The following ZNF484 variants were observed in gnomAD, a reference collection of about 807,000 sequenced individuals.
ZNF484 encodes the protein zinc finger protein 484.
In ZNF484, 11 loss-of-function variants were observed where a neutral mutation model predicts 12.9. That is an observed-to-expected ratio of 0.85 (90% CI 0.54 to 1.41). The LOEUF (loss-of-function observed/expected upper bound fraction) is 1.41. Ranked by LOEUF, ZNF484 falls within the 40% of genes most tolerant of loss-of-function variation. The probability of loss-of-function intolerance (pLI) is 0.00; values close to 1 mark genes in which losing one functional copy is unlikely to be tolerated. For missense variants in ZNF484, 807 were observed against 1,007.7 expected (o/e 0.80, Z 2.70); for synonymous variants, 289 against 334.1 (o/e 0.86, Z 1.47).
intron 2 of ZNF484, among the ~76,000 whole-genome samples, chr9:92,861,809 A>G (rs1457093822): frequency 6.6e-6 from 1 of 152,206 alleles, no homozygotes; most frequent in Non-Finnish European, 1.5e-5. Context: ...AAATCTGGTA[A>G]AAGGCATAAA....
intron 2 of ZNF484, among the ~76,000 whole-genome samples, chr9:92,873,169 C>T (rs994870442): frequency 2.6e-5 from 4 of 152,248 alleles, no homozygotes; most frequent in South Asian, 4.2e-4. Context: ...GGCAGGCAGG[C>T]GGTCACTAGG....
At chr9:92,853,605 T>C (rs966969960) in intron 4 of ZNF484, among the ~76,000 whole-genome samples, 3 of 152,204 alleles carry the variant, frequency 2.0e-5, no homozygotes, top group Admixed American at 1.3e-4. Context: ...CTGAGACACA[T>C]GGACCTGGGC....
chr9:92,850,636 T>C lies in ZNF484; in HGVS notation c.236-2085A>G, dbSNP rs868412500. ...ATCACCCAGGCTGGAGTGGCTGGAG[T>C]GCAATGGCGCGATCTCGGCTCACTG... On this transcript the variant is annotated intron_variant, in intron 4 of 4. Transcript: ENST00000375495. Among the ~76,000 whole-genome samples the C allele has an allele frequency of 2.5e-4, 38 of 152,182 alleles. 1 individual carries two copies. The highest frequency in any genetic ancestry group is 6.8e-3 in the Middle Eastern group (2 of 294).
At chr9:92,852,599 C>T (rs887155159) in intron 4 of ZNF484, among the ~76,000 whole-genome samples, 5 of 137,514 alleles carry the variant, frequency 3.6e-5, no homozygotes, top group Non-Finnish European at 6.0e-5. Context: ...TACAGTGGCG[C>T]GGTCTCAGCT....
intron 2 of ZNF484, among the ~76,000 whole-genome samples, chr9:92,862,401 T>C (rs886087605): frequency 6.6e-6 from 1 of 151,812 alleles, no homozygotes; most frequent in African/African-American, 2.4e-5. Context: ...TGACCCCAAA[T>C]AGAGAGAAGA....
At chr9:92,876,852 A>T (rs117261136) in intron 1 of ZNF484, among the ~76,000 whole-genome samples, 4,928 of 152,306 alleles carry the variant, frequency 0.032, 122 homozygotes, top group South Asian at 0.084. Context: ...TAGGAAAGAT[A>T]AAGATTTGAA....
chr9:92,867,400 T>G (rs1271772417), intron 2 of ZNF484, among the ~76,000 whole-genome samples: 1 of 152,150 alleles, frequency 6.6e-6, no homozygotes, highest in Non-Finnish European at 1.5e-5. Flanking sequence ...AAGAATCCCT[T>G]GAACCCGGGA....
chr9:92,860,649 A>G (rs1260412067), intron 2 of ZNF484, among the ~76,000 whole-genome samples: 1 of 150,966 alleles, frequency 6.6e-6, no homozygotes, highest in Non-Finnish European at 1.5e-5. Context: ...AAAAAAAACC[A>G]GTATACTTGA....
At chr9:92,852,467 T>C (rs1856156051) in intron 4 of ZNF484, among the ~76,000 whole-genome samples, 1 of 151,522 alleles carries the variant, frequency 6.6e-6, no homozygotes, top group South Asian at 2.1e-4. Flanking sequence ...CTAATTGACC[T>C]TGTGATCCAC....
chr9:92,854,967 A>G (rs1856348881), intron 4 of ZNF484, among the ~76,000 whole-genome samples: 1 of 152,228 alleles, frequency 6.6e-6, no homozygotes, highest in Non-Finnish European at 1.5e-5. Context: ...CAGATTTTAT[A>G]AATATCCCAG....
At chr9:92,855,011 A>G (rs2117916514) in intron 4 of ZNF484, among the ~76,000 whole-genome samples, 1 of 152,326 alleles carries the variant, frequency 6.6e-6, no homozygotes, top group African/African-American at 2.4e-5. Context: ...CATGTCAAAT[A>G]TATTAGAACA....
At chr9:92,855,497 T>C (rs1856379880) in intron 4 of ZNF484, among the ~76,000 whole-genome samples, 1 of 152,150 alleles carries the variant, frequency 6.6e-6, no homozygotes, top group Non-Finnish European at 1.5e-5. Context: ...ATAAAACTTT[T>C]CTAGGGAAAG....
At position 92,855,861 on chromosome 9, in the gene ZNF484, T is replaced by A; in HGVS notation, c.185A>T (p.Gln62Leu). 1.2e-6 allele frequency: 2 copies of A among 1,614,184 alleles called. No homozygotes were observed. Among genetic ancestry groups the A allele is most frequent in the Non-Finnish European group, 1.7e-6 (2 of 1,180,010 alleles). ...PKPEVIFSLE[Q>L]EEPCMLDGEI... Reference sequence around the variant, plus strand: ...ACCATCCAACATACATGGCTCTTCTTGTTCCAAGCTGAAGATGACTTCTGG... The same window carrying A: ...ACCATCCAACATACATGGCTCTTCTAGTTCCAAGCTGAAGATGACTTCTGG... Residue 62 changes from glutamine to leucine, a missense_variant, in exon 4 of 5, where the codon CAA (glutamine) becomes CTA (leucine). By Grantham distance (113) the Gln-to-Leu change is moderately radical. Transcript: ENST00000375495.
Position 92,848,299 on chromosome 9 carries a change from T to G in ZNF484, c.488A>C (p.His163Pro). ...FEYKDIGEIV[H>P]VNTHLVSSRK... ...TGAGGAAACCAGGTGTGTGTTTACA[T>G]GAACTATTTCCCCAATGTCCTTATA... is the stretch of plus-strand genomic sequence containing the variant. The change falls in exon 5 of 5, where the codon CAT becomes CCT. Residue 163 changes from histidine (H) to proline (P), a missense_variant. By Grantham distance (77) the His-to-Pro change is moderately conservative. Transcript: ENST00000375495. The surrounding 1 kb of genome is among the most constrained non-coding windows in gnomAD (Gnocchi z 4.1). The G allele has an allele frequency of 6.2e-7, 1 of 1,614,180 alleles. No individual in the cohort carries two copies. The highest frequency in any genetic ancestry group is 1.3e-5 in the African/African-American group (1 of 75,062).
In ZNF484 at chr9:92,847,046, C is replaced by A; in HGVS notation, c.1741G>T (p.Val581Phe). ...AAGGCCTTACCACATTCAGTGCAAACATATGGTTTTTCCCCTCTATGAATT... is the reference window on the plus strand; with the variant it reads ...AAGGCCTTACCACATTCAGTGCAAAAATATGGTTTTTCCCCTCTATGAATT... ...QRIHRGEKPY[V>F]CTECGKAFFH... Residue 581 changes from valine (V) to phenylalanine (F), a missense_variant, in exon 5 of 5, where the codon GTT becomes TTT. By Grantham distance (50) the Val-to-Phe change is conservative (BLOSUM62 -1). Coordinates refer to ENST00000375495, the MANE Select transcript of ZNF484 (RefSeq NM_031486.4). 1.9e-6 allele frequency: 3 copies of A among 1,613,800 alleles called. No individual in the cohort carries two copies. The highest frequency in any genetic ancestry group is 2.5e-6 in the Non-Finnish European group (3 of 1,179,944).
chr9:92,853,241 A>C (rs1244762816), intron 4 of ZNF484, among the ~76,000 whole-genome samples: 2 of 152,242 alleles, frequency 1.3e-5, no homozygotes. Context: ...CTGGGAGGTA[A>C]GAAAGAGGCT....
At position 92,847,944 on chromosome 9, in the gene ZNF484, G is replaced by A; in HGVS notation, c.843C>T (p.Cys281=). ...SICAEEKQHE[C]HECEAVFTQK... is the part of the protein sequence containing the mutation. ...GAGTGAAGACTGCCTCACATTCATG[G>A]CATTCATGCTGCTTTTCTTCAGCAC... The change falls in exon 5 of 5, where the codon TGC becomes TGT. Residue 281 remains cysteine, a synonymous_variant. Coordinates refer to ENST00000375495, the MANE Select transcript of ZNF484 (RefSeq NM_031486.4). 6.2e-7 allele frequency: 1 copy of A among 1,614,144 alleles called. No homozygotes were observed. The highest frequency in any genetic ancestry group is 1.3e-5 in the African/African-American group (1 of 75,030).
At chr9:92,877,677 C>T in intron 1 of ZNF484, 2 of 1,124,004 alleles carry the variant, frequency 1.8e-6, no homozygotes, top group Non-Finnish European at 2.5e-6. Flanking sequence ...CACCACCAGA[C>T]AGAGACCCCC....
Position 92,848,819 on chromosome 9 carries a change from AATGGCTTG to A in ZNF484, c.236-276_236-269del, listed in dbSNP as rs139583757. Among the ~76,000 whole-genome samples, 497 of 152,088 alleles carry A rather than the reference AATGGCTTG, an allele frequency of 3.3e-3. 1 individual carries two copies. Among genetic ancestry groups the A allele is most frequent in the African/African-American group, 0.011 (465 of 41,466 alleles). On this transcript the variant is annotated intron_variant, in intron 4 of 4. Transcript: ENST00000375495. The surrounding 1 kb of genome is among the most constrained non-coding windows in gnomAD (Gnocchi z 4.1). ...GCTACTCAAGTGGCTGAGGCAAGAG[AATGGCTTG>A]ATGGCTTGAAGGCAGAGGTTGCAGT...
Sources: allele counts gnomAD v4.1 joint callset (sites outside exome capture counted in the v4.1 genomes callset), GRCh38; gene constraint gnomAD v4.1.1; non-coding constraint Gnocchi (gnomAD v3.1); transcripts MANE v1.5; gene names NCBI Gene and HGNC (gene_info 2026-07-23, HGNC 2026-07-21).